The following TNR variants were observed in gnomAD, a reference collection of about 807,000 sequenced individuals.
TNR encodes tenascin-R.
TNR carries 45 observed loss-of-function variants against 150.4 expected under a neutral mutation model. The observed-to-expected ratio is 0.30, with a 90% CI of 0.24 to 0.38. The LOEUF (loss-of-function observed/expected upper bound fraction) is 0.38, where lower values mean the gene tolerates loss of function less well. Ranked by LOEUF, TNR falls within the 10% of genes least tolerant of loss-of-function variation. TNR has a pLI of 1.00. For synonymous variants in TNR, 687 were observed against 678.4 expected (o/e 1.01, Z -0.20); for missense variants, 1,544 against 1,759.1 (o/e 0.88, Z 2.19).
rs1553218337 is a variant in TNR at position 175,417,076 on chromosome 1, A to AAATAAATAAATC, written c.-63-10300_-63-10299insGATTTATTTATT. On this transcript the variant is annotated intron_variant, in intron 2 of 22. Transcript: ENST00000367674. Reference sequence around the variant, plus strand: ...GAAAGAAAGAAAGAAAGAAAGAAAGAAATCTAAGAAGTGGTCTCTTCCCTC... The same window carrying AAATAAATAAATC: ...GAAAGAAAGAAAGAAAGAAAGAAAGAAATAAATAAATCAATCTAAGAAGTGGTCTCTTCCCTC... 2.6e-5 allele frequency among the ~76,000 whole-genome samples: 3 copies of AAATAAATAAATC among 113,782 alleles called. No individual in the cohort carries two copies. In the Admixed American group the frequency reaches 3.1e-4, roughly 12 times the overall value. 74.6% of individuals were successfully genotyped at this position (113,782 alleles called of 152,430 possible).
intron 1 of TNR, among the ~76,000 whole-genome samples, chr1:175,740,070 T>C (rs1423742656): frequency 1.3e-5 from 2 of 152,238 alleles, no homozygotes; most frequent in African/African-American, 4.8e-5. Context: ...TCTAACACCA[T>C]GACCTCAAGG....
At chr1:175,578,301 A>G (rs1460769163) in intron 1 of TNR, among the ~76,000 whole-genome samples, 2 of 152,054 alleles carry the variant, frequency 1.3e-5, no homozygotes, top group African/African-American at 4.8e-5. Context: ...CTACATAGAT[A>G]ACCAGACAAT....
intron 7 of TNR, among the ~76,000 whole-genome samples, chr1:175,388,506 G>A (rs1454154118): frequency 6.6e-6 from 1 of 152,158 alleles, no homozygotes; most frequent in Non-Finnish European, 1.5e-5. Context: ...GTGTAGGTCA[G>A]ACCTTAGCAG....
chr1:175,649,397 G>A (rs1664888933), intron 1 of TNR, among the ~76,000 whole-genome samples: 1 of 152,066 alleles, frequency 6.6e-6, no homozygotes, highest in East Asian at 1.9e-4. Flanking sequence ...TTCCCTCTCA[G>A]TACTCAGTTC....
chr1:175,682,073 C>T (rs1265485689), intron 1 of TNR, among the ~76,000 whole-genome samples: 3 of 152,162 alleles, frequency 2.0e-5, no homozygotes, highest in African/African-American at 7.2e-5. Flanking sequence ...AGCTCAACAG[C>T]ATAAGGATGG....
chr1:175,707,953 T>C (rs982085140), intron 1 of TNR, among the ~76,000 whole-genome samples: 5 of 152,148 alleles, frequency 3.3e-5, no homozygotes, highest in Non-Finnish European at 7.3e-5. Context: ...CAATTAACTA[T>C]AAATTTAGCA....
chr1:175,508,301 T>A (rs959318371), intron 2 of TNR, among the ~76,000 whole-genome samples: 1 of 152,206 alleles, frequency 6.6e-6, no homozygotes, highest in African/African-American at 2.4e-5. Flanking sequence ...AAATAGACTG[T>A]GTATCTTTAA....
chr1:175,596,320 TC>T (rs1377814108), intron 1 of TNR, among the ~76,000 whole-genome samples: 2 of 151,926 alleles, frequency 1.3e-5, no homozygotes, highest in Admixed American at 6.6e-5. Flanking sequence ...GTCCTCCAGT[TC>T]CCCCCACCCG....
intron 2 of TNR, among the ~76,000 whole-genome samples, chr1:175,464,624 A>C (rs78350976): frequency 0.014 from 2,131 of 152,320 alleles, 19 homozygotes; most frequent in African/African-American, 0.021. Context: ...GGTTATGAAC[A>C]GAAAGGTTGT....
intron 1 of TNR, among the ~76,000 whole-genome samples, chr1:175,538,504 A>G (rs985965859): frequency 1.3e-4 from 20 of 152,210 alleles, no homozygotes; most frequent in Non-Finnish European, 2.5e-4. Context: ...CTGGGTCTTC[A>G]AAAATTAAAA....
At chr1:175,672,202 T>C (rs1320507408) in intron 1 of TNR, among the ~76,000 whole-genome samples, 1 of 152,184 alleles carries the variant, frequency 6.6e-6, no homozygotes, top group African/African-American at 2.4e-5. Context: ...TTTAAAATCT[T>C]GTGTGAAGTG....
At chr1:175,494,557 G>C (rs16848523) in intron 2 of TNR, among the ~76,000 whole-genome samples, 1 of 152,056 alleles carries the variant, frequency 6.6e-6, no homozygotes, top group Non-Finnish European at 1.5e-5. Flanking sequence ...ACAGCTGAGC[G>C]CAGGTGGGCC....
intron 1 of TNR, among the ~76,000 whole-genome samples, chr1:175,632,835 G>A (rs940609791): frequency 6.6e-6 from 1 of 152,136 alleles, no homozygotes; most frequent in Non-Finnish European, 1.5e-5. Context: ...AGAGCATCTG[G>A]TATCCATGAC....
chr1:175,736,564 G>A (rs1667778725), intron 1 of TNR, among the ~76,000 whole-genome samples: 1 of 151,960 alleles, frequency 6.6e-6, no homozygotes, highest in Non-Finnish European at 1.5e-5. Context: ...TTTCGGGGGT[G>A]AGGGAGGGTG....
intron 4 of TNR, among the ~76,000 whole-genome samples, chr1:175,401,896 G>T (rs1571389623): frequency 6.6e-6 from 1 of 152,190 alleles, no homozygotes. Flanking sequence ...GAATGGAAAA[G>T]ACCAACCACT....
At chr1:175,610,716 G>A (rs1281776613) in intron 1 of TNR, among the ~76,000 whole-genome samples, 1 of 152,130 alleles carries the variant, frequency 6.6e-6, no homozygotes, top group East Asian at 1.9e-4. Flanking sequence ...TCCCACTATT[G>A]CAATAGCTCC....
chr1:175,449,024 T>C (rs1005567417), intron 2 of TNR, among the ~76,000 whole-genome samples: 1 of 152,202 alleles, frequency 6.6e-6, no homozygotes, highest in African/African-American at 2.4e-5. Context: ...CTGACCCAAG[T>C]ATCAGCCTAC....
chr1:175,417,011 A>AAAAGAAAG (rs61354589), intron 2 of TNR, among the ~76,000 whole-genome samples: 5,031 of 90,662 alleles, frequency 0.055, 457 homozygotes, highest in Non-Finnish European at 0.072. Context: ...CCATCTCAAA[A>AAAAGAAAG]AAAGAAAGAA....
chr1:175,349,627 G>C (rs1359858189), intron 18 of TNR, among the ~76,000 whole-genome samples: 1 of 152,164 alleles, frequency 6.6e-6, no homozygotes, highest in Admixed American at 6.5e-5. Flanking sequence ...GCCTATGGAA[G>C]GTGGAAGAAG....
Sources: allele counts gnomAD v4.1 joint callset (sites outside exome capture counted in the v4.1 genomes callset), GRCh38; gene constraint gnomAD v4.1.1; transcripts MANE v1.5; gene names NCBI Gene and HGNC (gene_info 2026-07-23, HGNC 2026-07-21).